TPD52L1: variants seen among roughly 807,000 people sequenced by gnomAD.
TPD52L1 encodes TPD52 like 1.
A neutral mutation model predicts 28.7 loss-of-function variants in TPD52L1; 18 were observed. That is an observed-to-expected ratio of 0.63 (90% CI 0.43 to 0.93). The LOEUF (loss-of-function observed/expected upper bound fraction) is 0.93, where lower values mean the gene tolerates loss of function less well. Among genes scored for constraint, TPD52L1 ranks in the 40% least tolerant of loss-of-function variants. TPD52L1 has a pLI of 0.00. For synonymous variants in TPD52L1, 75 were observed against 88.8 expected, an observed-to-expected ratio of 0.84 and a Z score of 0.88; for missense variants, 203 against 254.8, an observed-to-expected ratio of 0.80 and a Z score of 1.39.
At chr6:125,242,424 T>C (rs1285692984) in intron 3 of TPD52L1, among the ~76,000 whole-genome samples, 2 of 151,916 alleles carry the variant, frequency 1.3e-5, no homozygotes, top group Admixed American at 6.6e-5. Context: ...TTGCCATCTA[T>C]CTCATTTCTC....
At chr6:125,166,623 A>G (rs576478680) in intron 1 of TPD52L1, among the ~76,000 whole-genome samples, 98 of 152,178 alleles carry the variant, frequency 6.4e-4, no homozygotes, top group Non-Finnish European at 1.0e-3. Flanking sequence ...AAAAGCTTAC[A>G]AAGTTATTTA....
intron 1 of TPD52L1, among the ~76,000 whole-genome samples, chr6:125,155,398 A>T (rs1343141693): frequency 6.6e-6 from 1 of 152,248 alleles, no homozygotes; most frequent in Non-Finnish European, 1.5e-5. Flanking sequence ...ATTAGTGAGG[A>T]TGGAGAAGAA....
In TPD52L1 at chr6:125,153,811, C is replaced by A; in HGVS notation, c.-141C>A. 2.0e-6 allele frequency: 2 copies of A among 993,646 alleles called. No homozygotes were observed. The highest frequency in any genetic ancestry group is 2.8e-6 in the Non-Finnish European group (2 of 709,012). 61.6% of individuals were successfully genotyped at this position (993,646 alleles called of 1,614,324 possible). On this transcript the variant is annotated 5_prime_UTR_variant, in exon 1 of 7. Coordinates refer to ENST00000534000, the MANE Select transcript of TPD52L1 (RefSeq NM_003287.4). ...GGCGGCTGCCTGCGTCCCCAACCCC[C>A]TCCGCGCAGCGCTCGCGACACGCGT... is the stretch of plus-strand genomic sequence containing the variant.
chr6:125,162,154 A>C (rs770362656), intron 1 of TPD52L1, among the ~76,000 whole-genome samples: 1 of 152,218 alleles, frequency 6.6e-6, no homozygotes, highest in Non-Finnish European at 1.5e-5. Flanking sequence ...TACAATTTTC[A>C]AAGTTACCTC....
chr6:125,159,715 G>C (rs779582027), intron 1 of TPD52L1, among the ~76,000 whole-genome samples: 5 of 152,080 alleles, frequency 3.3e-5, no homozygotes, highest in Non-Finnish European at 5.9e-5. Context: ...TAAATAATAC[G>C]ACTTGAAAGT....
At chr6:125,226,351 C>CT (rs1287133049) in intron 2 of TPD52L1, among the ~76,000 whole-genome samples, 2 of 151,896 alleles carry the variant, frequency 1.3e-5, no homozygotes, top group South Asian at 2.1e-4. Context: ...CTTTATATTT[C>CT]TTTTTTTTAA....
intron 3 of TPD52L1, among the ~76,000 whole-genome samples, chr6:125,247,824 T>A (rs953649105): frequency 2.0e-5 from 3 of 152,244 alleles, no homozygotes; most frequent in African/African-American, 7.2e-5. Flanking sequence ...AATAACTAGC[T>A]GTGTTTTGCC....
chr6:125,178,805 A>C (rs1037991001), intron 1 of TPD52L1, among the ~76,000 whole-genome samples: 7 of 152,176 alleles, frequency 4.6e-5, no homozygotes, highest in African/African-American at 1.7e-4. Context: ...TTATTAATTA[A>C]TTTAGGCTAC....
At chr6:125,201,596 G>T (rs549716498) in intron 1 of TPD52L1, among the ~76,000 whole-genome samples, 12 of 152,304 alleles carry the variant, frequency 7.9e-5, no homozygotes, top group African/African-American at 2.6e-4. Context: ...TGTGGTTAAA[G>T]GATCCATTTT....
Position 125,229,252 on chromosome 6 carries a change from G to A in TPD52L1, c.270G>A (p.Met90Ile), listed in dbSNP as rs1353358236. 1 of 1,612,902 alleles carries A rather than the reference G, an allele frequency of 6.2e-7. No homozygotes were observed. The highest frequency in any genetic ancestry group is 8.5e-7 in the Non-Finnish European group (1 of 1,179,528). ...ACTTCAGCAAAAGCTGGCATGACAT[G>A]CAGACTACCACTGCGTAAGTATCAT... is the stretch of plus-strand genomic sequence containing the variant. Reference protein sequence around the residue: ...KQNFSKSWHDMQTTTAYKKTH... With the variant: ...KQNFSKSWHDIQTTTAYKKTH... Residue 90 changes from methionine to isoleucine, a missense_variant, in exon 3 of 7, where the codon ATG becomes ATA. By Grantham distance (10) the Met-to-Ile change is conservative. Coordinates refer to ENST00000534000, the MANE Select transcript of TPD52L1 (RefSeq NM_003287.4).
At chr6:125,184,475 T>C (rs3799765) in intron 1 of TPD52L1, among the ~76,000 whole-genome samples, 13,551 of 152,240 alleles carry the variant, frequency 0.089, 721 homozygotes, top group Middle Eastern at 0.14. Flanking sequence ...CAAAGTTACC[T>C]TTTGGTCTGT....
chr6:125,210,293 G>A (rs765265285), intron 1 of TPD52L1, among the ~76,000 whole-genome samples: 2 of 152,142 alleles, frequency 1.3e-5, no homozygotes, highest in Non-Finnish European at 2.9e-5. Context: ...GAATACTGAG[G>A]ACTACACTAC....
intron 1 of TPD52L1, among the ~76,000 whole-genome samples, chr6:125,204,776 G>T (rs1351123116): frequency 1.3e-5 from 2 of 152,204 alleles, no homozygotes; most frequent in African/African-American, 4.8e-5. Context: ...ACTGCGCCAG[G>T]CCTATCAGAT....
At chr6:125,217,396 G>T (rs1794954760) in intron 1 of TPD52L1, among the ~76,000 whole-genome samples, 1 of 152,140 alleles carries the variant, frequency 6.6e-6, no homozygotes, top group African/African-American at 2.4e-5. Flanking sequence ...TCCCATCTGG[G>T]GGAAACGGGA....
chr6:125,197,873 C>T (rs1422025039), intron 1 of TPD52L1, among the ~76,000 whole-genome samples: 1 of 152,122 alleles, frequency 6.6e-6, no homozygotes, highest in Non-Finnish European at 1.5e-5. Flanking sequence ...AATAGCAGCT[C>T]ACTGCTGGAG....
intron 1 of TPD52L1, chr6:125,154,429 G>T (rs1789975674): frequency 1.0e-6 from 1 of 988,402 alleles, no homozygotes; most frequent in Non-Finnish European, 1.2e-6. Flanking sequence ...CCCGCCGAGG[G>T]GGTGGCTCCG....
At chr6:125,261,003 AAAGAAAGAAAG>A (rs1797986323) in intron 6 of TPD52L1, 6 of 46,200 alleles carry the variant, frequency 1.3e-4, no homozygotes, top group South Asian at 1.0e-3. Flanking sequence ...AGAAAGAAAG[AAAGAAAGAAAG>A]AAAGAAAAGA....
chr6:125,231,921 G>C (rs1260726), intron 3 of TPD52L1, among the ~76,000 whole-genome samples: 152,300 of 152,306 alleles, frequency 1, 76,147 homozygotes, highest in Middle Eastern at 1. Context: ...GTTCGTAAAG[G>C]CTGCAGGACA....
At chr6:125,208,471 T>C (rs766662372) in intron 1 of TPD52L1, among the ~76,000 whole-genome samples, 7 of 152,040 alleles carry the variant, frequency 4.6e-5, no homozygotes, top group Non-Finnish European at 8.8e-5. Context: ...CCAGAAGGGA[T>C]TGGTGGAGGA....
Sources: gnomAD v4.1 joint callset for allele counts (sites outside exome capture counted in the v4.1 genomes callset) on GRCh38, gnomAD v4.1.1 for gene constraint, MANE v1.5 for transcripts, NCBI Gene and HGNC (gene_info 2026-07-23, HGNC 2026-07-21) for gene names.